SPIRE1: variants seen among roughly 807,000 people sequenced by gnomAD.
SPIRE1 encodes the protein spire type actin nucleation factor 1.
SPIRE1 carries 40 observed loss-of-function variants against 94.1 expected under a neutral mutation model. The observed-to-expected ratio is 0.43, with a 90% confidence interval of 0.33 to 0.55. The LOEUF (loss-of-function observed/expected upper bound fraction) is 0.55, where lower values mean the gene tolerates loss of function less well. Among genes scored for constraint, SPIRE1 ranks in the 20% least tolerant of loss-of-function variants. The pLI is 0.06. For synonymous variants in SPIRE1, 376 were observed against 371.7 expected, an observed-to-expected ratio of 1.01 and a Z score of -0.13; for missense variants, 838 against 975.2, an observed-to-expected ratio of 0.86 and a Z score of 1.87.
Position 12,567,711 on chromosome 18 carries a change from A to G in SPIRE1, c.373-20807T>C, listed in dbSNP as rs1030345800. Among the ~76,000 whole-genome samples, 224 of 152,332 alleles carry G rather than the reference A, an allele frequency of 1.5e-3. 2 individuals are homozygous for G. Among genetic ancestry groups the G allele is most frequent in the African/African-American group, 5.1e-3 (212 of 41,580 alleles). On this transcript the variant is annotated intron_variant, in intron 2 of 16. Transcript: ENST00000409402. ...GGTAGCATACCAGGATCCTTCCTTA[A>G]GGGAATTCAGCCTCCCTACATTCAA... is the stretch of plus-strand genomic sequence containing the variant.
chr18:12,515,297 T>C (rs1354907135), intron 4 of SPIRE1, among the ~76,000 whole-genome samples: 1 of 152,092 alleles, frequency 6.6e-6, no homozygotes, highest in Non-Finnish European at 1.5e-5. Context: ...TGAGGACTGC[T>C]TGAGGCCAGG....
rs781027452 is a variant in SPIRE1 at position 12,452,293 on chromosome 18, G to C, written c.1974C>G (p.Pro658=). The C allele has an allele frequency of 3.7e-6, 6 of 1,614,162 alleles. No individual in the cohort carries two copies. Among genetic ancestry groups the C allele is most frequent in the Non-Finnish European group, 5.1e-6 (6 of 1,180,050 alleles). Residue 658 remains proline (P), a synonymous_variant, in exon 16 of 17, where the codon CCC becomes CCG. Coordinates refer to ENST00000409402, the MANE Select transcript of SPIRE1 (RefSeq NM_001128626.2). ...GAAGTGGCCGATGATGGGCAGTGGA[G>C]GGTTTTTCTGACCTCATACTACTTT... ...RGESSMRSEK[P]STAHHRPLRS...
At chr18:12,458,952 G>A (rs1294846605) in intron 12 of SPIRE1, among the ~76,000 whole-genome samples, 3 of 152,160 alleles carry the variant, frequency 2.0e-5, no homozygotes, top group South Asian at 2.1e-4. Context: ...CAGCTGCGGG[G>A]TCATCTGTCA....
chr18:12,608,223 T>G (rs1401753051), intron 2 of SPIRE1, among the ~76,000 whole-genome samples: 1 of 152,154 alleles, frequency 6.6e-6, no homozygotes, highest in East Asian at 1.9e-4. Flanking sequence ...CCCAAAAATT[T>G]TTTTTTAATT....
At chr18:12,509,844 A>G (rs1228293850) in intron 5 of SPIRE1, among the ~76,000 whole-genome samples, 1 of 152,192 alleles carries the variant, frequency 6.6e-6, no homozygotes, top group Non-Finnish European at 1.5e-5. Context: ...GCACTTTGGG[A>G]GGCCAAGGCG....
intron 2 of SPIRE1, among the ~76,000 whole-genome samples, chr18:12,568,854 G>A (rs1411602326): frequency 6.6e-6 from 1 of 151,728 alleles, no homozygotes; most frequent in East Asian, 1.9e-4. Context: ...CTCCACCTTT[G>A]TCATTCCAAC....
chr18:12,464,566 T>G (rs772986890), intron 11 of SPIRE1, among the ~76,000 whole-genome samples: 2 of 152,130 alleles, frequency 1.3e-5, no homozygotes, highest in African/African-American at 2.4e-5. Context: ...TGGTTTAAAT[T>G]TAGCCAAGGA....
chr18:12,607,823 T>G (rs746559951), intron 2 of SPIRE1, among the ~76,000 whole-genome samples: 3 of 152,136 alleles, frequency 2.0e-5, no homozygotes, highest in Non-Finnish European at 2.9e-5. Flanking sequence ...GCTACCCCCA[T>G]ACCCTAATGT....
intron 8 of SPIRE1, among the ~76,000 whole-genome samples, chr18:12,489,537 T>A (rs796244538): frequency 6.6e-6 from 1 of 152,208 alleles, no homozygotes; most frequent in African/African-American, 2.4e-5. Context: ...AAATTGAGGA[T>A]GTCAATTAAG....
intron 2 of SPIRE1, among the ~76,000 whole-genome samples, chr18:12,612,037 CTTTT>C (rs973696309): frequency 2.0e-5 from 3 of 152,070 alleles, no homozygotes; most frequent in African/African-American, 7.2e-5. Context: ...GCCTCAGTAA[CTTTT>C]ATTTATTCAC....
At position 12,452,508 on chromosome 18, in the gene SPIRE1, C is replaced by T. The variant is rs2031295050; in HGVS notation, c.1852G>A (p.Val618Met). The T allele has an allele frequency of 6.2e-7, 1 of 1,613,842 alleles. No homozygotes were observed. The highest frequency in any genetic ancestry group is 8.5e-7 in the Non-Finnish European group (1 of 1,180,044). Reference sequence around the variant, plus strand: ...ACCTTTTTGCAACACTGTGAGCACACCGGCCTGTAAACAAAATCATAAATG... The same window carrying T: ...ACCTTTTTGCAACACTGTGAGCACATCGGCCTGTAAACAAAATCATAAATG... ...SYTCQFCKRPVCSQCCKKMRL... is the reference protein window; with the variant it reads ...SYTCQFCKRPMCSQCCKKMRL... The change falls in exon 15 of 17, where the codon GTG becomes ATG. Residue 618 changes from valine (V) to methionine (M), a missense_variant. By Grantham distance (21) the Val-to-Met change is conservative. Coordinates refer to ENST00000409402, the MANE Select transcript of SPIRE1 (RefSeq NM_001128626.2).
At chr18:12,486,559 T>G (rs552757167) in intron 8 of SPIRE1, among the ~76,000 whole-genome samples, 37 of 152,308 alleles carry the variant, frequency 2.4e-4, no homozygotes, top group African/African-American at 8.7e-4. Context: ...ACAGGACAGA[T>G]TGCCTGAGTT....
At chr18:12,475,348 C>T (rs73403720) in intron 10 of SPIRE1, among the ~76,000 whole-genome samples, 2,237 of 152,294 alleles carry the variant, frequency 0.015, 57 homozygotes, top group African/African-American at 0.051. Flanking sequence ...TACCCTAAGA[C>T]ACTGTGCTCA....
chr18:12,627,225 C>CA (rs1371313239), intron 2 of SPIRE1, among the ~76,000 whole-genome samples: 2 of 151,434 alleles, frequency 1.3e-5, no homozygotes, highest in African/African-American at 4.9e-5. Flanking sequence ...CCCCACCCCA[C>CA]AACAGGCTCC....
At chr18:12,619,250 G>A (rs1421558868) in intron 2 of SPIRE1, among the ~76,000 whole-genome samples, 2 of 152,150 alleles carry the variant, frequency 1.3e-5, no homozygotes, top group African/African-American at 2.4e-5. Flanking sequence ...GGTGGCTCAC[G>A]CCTGTAATCT....
At chr18:12,633,273 GA>G (rs2037831117) in intron 2 of SPIRE1, among the ~76,000 whole-genome samples, 1 of 152,004 alleles carries the variant, frequency 6.6e-6, no homozygotes, top group Non-Finnish European at 1.5e-5. Context: ...ATCTAACTTG[GA>G]AAAAATTGTC....
intron 1 of SPIRE1, among the ~76,000 whole-genome samples, chr18:12,649,537 G>T (rs1378233222): frequency 6.6e-6 from 1 of 152,144 alleles, no homozygotes; most frequent in East Asian, 1.9e-4. Flanking sequence ...AGAAGTAAAA[G>T]GGAAATACAT....
chr18:12,606,598 T>A (rs2036984802), intron 2 of SPIRE1, among the ~76,000 whole-genome samples: 1 of 151,958 alleles, frequency 6.6e-6, no homozygotes, highest in African/African-American at 2.4e-5. Flanking sequence ...TAGCACGATC[T>A]TGGCTCACTG....
Sources: allele counts gnomAD v4.1 joint callset (sites outside exome capture counted in the v4.1 genomes callset), GRCh38; gene constraint gnomAD v4.1.1; transcripts MANE v1.5; gene names NCBI Gene and HGNC (gene_info 2026-07-23, HGNC 2026-07-21).